The following PLB1 variants were observed in gnomAD, a reference collection of about 807,000 sequenced individuals.
The protein encoded by PLB1 is phospholipase B1, also known as phospholipase B1, membrane-associated.
In PLB1, 242 loss-of-function variants were observed where a neutral mutation model predicts 227.4. The ratio of observed to expected loss-of-function variants is 1.06; its 90% CI spans 0.96 to 1.18. The LOEUF (loss-of-function observed/expected upper bound fraction) is 1.18, where lower values mean the gene tolerates loss of function less well. Ranked by LOEUF, PLB1 falls within the 50% of genes most tolerant of loss-of-function variation. PLB1 has a pLI of 0.00. For missense variants in PLB1, 1,858 were observed against 1,816.3 expected, an observed-to-expected ratio of 1.02 and a Z score of -0.42; for synonymous variants, 757 against 682.2, an observed-to-expected ratio of 1.11 and a Z score of -1.71.
In PLB1 at chr2:28,622,374, C is replaced by T. The variant is rs145726260; in HGVS notation, c.3527+1396C>T. On this transcript the variant is annotated intron_variant, in intron 49 of 57. Transcript: ENST00000327757. Reference sequence around the variant, plus strand: ...AAATAGGGATAATAATAGTACTTCTCAGGGTTGTCATAAGGATTAAATGAG... The same window carrying T: ...AAATAGGGATAATAATAGTACTTCTTAGGGTTGTCATAAGGATTAAATGAG... Among the ~76,000 whole-genome samples, 6 of 152,238 alleles carry T rather than the reference C, an allele frequency of 3.9e-5. No individual in the cohort carries two copies. The East Asian group carries it at 7.7e-4, about 20-fold the overall frequency.
At chr2:28,570,494 A>C (rs1417060611) in intron 20 of PLB1, among the ~76,000 whole-genome samples, 2 of 146,116 alleles carry the variant, frequency 1.4e-5, no homozygotes, top group Non-Finnish European at 3.1e-5. Flanking sequence ...TGATAGAAAC[A>C]CTCAACAAAG....
At chr2:28,577,453 T>C (rs1174977181) in intron 21 of PLB1, among the ~76,000 whole-genome samples, 1 of 152,242 alleles carries the variant, frequency 6.6e-6, no homozygotes, top group Non-Finnish European at 1.5e-5. Flanking sequence ...GACATGTGCA[T>C]GATGTGAAAT....
intron 21 of PLB1, among the ~76,000 whole-genome samples, chr2:28,573,982 C>G (rs1473622998): frequency 6.6e-6 from 1 of 152,220 alleles, no homozygotes; most frequent in African/African-American, 2.4e-5. Flanking sequence ...ACGGCCATCA[C>G]TGTCATGGTC....
intron 9 of PLB1, 60 bp from the exon 10 acceptor site, chr2:28,538,259 T>C (rs1671969230): frequency 1.2e-6 from 2 of 1,605,874 alleles, no homozygotes; most frequent in Admixed American, 3.3e-5. Context: ...TGAGTCTGGG[T>C]GGCCTCACCT....
intron 32 of PLB1, 68 bp downstream of exon 32, chr2:28,592,787 C>T: frequency 4.1e-6 from 6 of 1,470,396 alleles, no homozygotes; most frequent in Non-Finnish European, 5.7e-6. Flanking sequence ...GTCCTCTTAA[C>T]TTAAGGGTCT....
intron 18 of PLB1, among the ~76,000 whole-genome samples, chr2:28,564,713 C>T (rs1220809521): frequency 6.6e-6 from 1 of 152,140 alleles, no homozygotes; most frequent in Non-Finnish European, 1.5e-5. Flanking sequence ...GCCTTCACCC[C>T]CAACTGCCTG....
chr2:28,513,029 C>G (rs1014058547), intron 1 of PLB1, among the ~76,000 whole-genome samples: 1 of 152,176 alleles, frequency 6.6e-6, no homozygotes, highest in Non-Finnish European at 1.5e-5. Context: ...TAACTGGGTA[C>G]AAAACATGAG....
At chr2:28,542,383 C>A (rs1672630912) in intron 13 of PLB1, among the ~76,000 whole-genome samples, 1 of 152,074 alleles carries the variant, frequency 6.6e-6, no homozygotes, top group Admixed American at 6.5e-5. Context: ...GCCTAGCTTC[C>A]CCTCCTAGCT....
At position 28,518,542 on chromosome 2, in the gene PLB1, C is replaced by T. The variant is rs776672175; in HGVS notation, c.184+10C>T. ...ATGCCTTCTAAATCAGGTATGTAAC[C>T]CTTGGCCATGAGCAGGAAAAGCCTG... On this transcript the variant is annotated intron_variant, in intron 3 of 57. Coordinates refer to ENST00000327757, the MANE Select transcript of PLB1 (RefSeq NM_153021.5). 1 of 1,604,938 alleles carries T rather than the reference C, an allele frequency of 6.2e-7. No individual in the cohort carries two copies. The highest frequency in any genetic ancestry group is 8.5e-7 in the Non-Finnish European group (1 of 1,171,796).
intron 9 of PLB1, among the ~76,000 whole-genome samples, chr2:28,535,798 G>A (rs1671605206): frequency 2.6e-5 from 4 of 152,130 alleles, no homozygotes. Context: ...GTGCATGCCT[G>A]TAGTCCTAGC....
chr2:28,518,395 C>G (rs1007484770), intron 2 of PLB1, 71 bp from the exon 3 acceptor site: 3 of 1,194,674 alleles, frequency 2.5e-6, no homozygotes, highest in African/African-American at 3.0e-5. Context: ...CATTTCTACA[C>G]CAAGTTTTCA....
intron 49 of PLB1, among the ~76,000 whole-genome samples, chr2:28,623,308 T>C (rs1687291967): frequency 6.6e-6 from 1 of 150,462 alleles, no homozygotes; most frequent in African/African-American, 2.4e-5. Context: ...GAGAGGAGGC[T>C]CAAGGGAAAG....
intron 40 of PLB1, 103 bp downstream of exon 40, chr2:28,604,150 C>A: frequency 1.7e-6 from 2 of 1,173,434 alleles, no homozygotes; most frequent in South Asian, 1.3e-5. Flanking sequence ...AAAAGCTGGT[C>A]AGGGATTGTG....
At chr2:28,500,319 G>GTTGGTGATGCCAAATTTGATAAC (rs1666939556) in intron 1 of PLB1, among the ~76,000 whole-genome samples, 1 of 152,174 alleles carries the variant, frequency 6.6e-6, no homozygotes, top group Non-Finnish European at 1.5e-5. Flanking sequence ...GAATCCCCTA[G>GTTGGTGATGCCAAATTTGATAAC]TTGGTGATGC....
chr2:28,581,055 TC>T (rs1332459758), intron 23 of PLB1, among the ~76,000 whole-genome samples: 1 of 152,220 alleles, frequency 6.6e-6, no homozygotes. Flanking sequence ...CCTGGGCCCC[TC>T]CCCTGCTCAT....
At chr2:28,609,515 CAAATT>C (rs1178338201) in intron 43 of PLB1, among the ~76,000 whole-genome samples, 3 of 152,202 alleles carry the variant, frequency 2.0e-5, no homozygotes, top group African/African-American at 4.8e-5. Context: ...CGAAGTTTAT[CAAATT>C]CCCTTAAACT....
At chr2:28,623,272 G>T (rs972454030) in intron 49 of PLB1, among the ~76,000 whole-genome samples, 1 of 152,226 alleles carries the variant, frequency 6.6e-6, no homozygotes, top group Non-Finnish European at 1.5e-5. Flanking sequence ...AAAAGGAAAT[G>T]CAAGATGTGT....
At chr2:28,535,587 C>G (rs1671575093) in intron 9 of PLB1, among the ~76,000 whole-genome samples, 1 of 152,216 alleles carries the variant, frequency 6.6e-6, no homozygotes, top group African/African-American at 2.4e-5. Context: ...TCTGAAAGCA[C>G]ATCTCAGGTA....
At chr2:28,527,895 C>G (rs1670483894) in intron 6 of PLB1, among the ~76,000 whole-genome samples, 1 of 152,214 alleles carries the variant, frequency 6.6e-6, no homozygotes, top group Non-Finnish European at 1.5e-5. Flanking sequence ...TGTCATTGAT[C>G]CTTACAGACT....
Sources: allele counts gnomAD v4.1 joint callset (sites outside exome capture counted in the v4.1 genomes callset), GRCh38; gene constraint gnomAD v4.1.1; transcripts MANE v1.5; gene names NCBI Gene and HGNC (gene_info 2026-07-23, HGNC 2026-07-21).